The following PTPN13 variants were observed in gnomAD, a reference collection of about 807,000 sequenced individuals.
PTPN13 encodes the protein tyrosine-protein phosphatase non-receptor type 13.
In PTPN13, 191 loss-of-function variants were observed where a neutral mutation model predicts 284.0. That is an observed-to-expected ratio of 0.67 (90% CI 0.60 to 0.76). PTPN13 has a LOEUF of 0.76. Among genes scored for constraint, PTPN13 ranks in the 30% least tolerant of loss-of-function variants. The pLI is 0.00. For missense variants in PTPN13, 2,797 were observed against 2,939.9 expected, an observed-to-expected ratio of 0.95 and a Z score of 1.12; for synonymous variants, 986 against 1,022.3, an observed-to-expected ratio of 0.96 and a Z score of 0.68.
chr4:86,732,123 G>A (rs1004104362), intron 10 of PTPN13, among the ~76,000 whole-genome samples: 2 of 152,140 alleles, frequency 1.3e-5, no homozygotes, highest in African/African-American at 2.4e-5. Flanking sequence ...CTGTAAAACA[G>A]TGTAAAAGTG....
intron 6 of PTPN13, among the ~76,000 whole-genome samples, chr4:86,698,042 A>C (rs1363970734): frequency 1.3e-5 from 2 of 152,314 alleles, no homozygotes; most frequent in East Asian, 3.9e-4. Context: ...ACTTTTAGCA[A>C]GCTATGCATT....
chr4:86,767,372 A>C (rs567528481), intron 27 of PTPN13, among the ~76,000 whole-genome samples: 2 of 151,722 alleles, frequency 1.3e-5, no homozygotes, highest in East Asian at 3.9e-4. Flanking sequence ...CGGCCTGTCA[A>C]GTAGCTGGGA....
chr4:86,726,329 A>G (rs1734249302), intron 10 of PTPN13, among the ~76,000 whole-genome samples: 1 of 149,388 alleles, frequency 6.7e-6, no homozygotes, highest in African/African-American at 2.4e-5. Flanking sequence ...TATGAACTTT[A>G]AAGTAGTTTT....
chr4:86,785,669 A>T (rs951155838), intron 39 of PTPN13, among the ~76,000 whole-genome samples, 179 bp from the exon 40 acceptor site: 1 of 152,178 alleles, frequency 6.6e-6, no homozygotes, highest in Admixed American at 6.5e-5. Flanking sequence ...AGATAATTTT[A>T]ACCAGAAATT....
chr4:86,700,898 C>G, intron 6 of PTPN13, among the ~76,000 whole-genome samples: 1 of 152,076 alleles, frequency 6.6e-6, no homozygotes, highest in Admixed American at 6.6e-5. Context: ...CATTACTGCC[C>G]CAAATCATTT....
rs766713819 is a variant in PTPN13 at position 86,735,574 on chromosome 4, G to A, written c.2152-20G>A. 65 of 1,600,578 alleles carry A rather than the reference G, an allele frequency of 4.1e-5. No individual in the cohort carries two copies. Among genetic ancestry groups the A allele is most frequent in the Non-Finnish European group, 5.3e-5 (62 of 1,176,854 alleles). ...CAATAAAAGGCAAACAATTGCTTAT[G>A]AAAACATTCTTTTATCTAGGTTCAT... On this transcript the variant is annotated intron_variant, in intron 14 of 47. Transcript: ENST00000411767.
intron 5 of PTPN13, among the ~76,000 whole-genome samples, chr4:86,693,071 TAAAAA>T (rs34543988): frequency 8.9e-6 from 1 of 112,302 alleles, no homozygotes; most frequent in Non-Finnish European, 1.8e-5. Flanking sequence ...CCGTTATATT[TAAAAA>T]AAAAAAAAAA....
chr4:86,642,380 T>G (rs754431010), intron 2 of PTPN13, among the ~76,000 whole-genome samples: 1 of 151,852 alleles, frequency 6.6e-6, no homozygotes, highest in African/African-American at 2.4e-5. Flanking sequence ...CTAAGAATCT[T>G]CCTGTGTTAT....
chr4:86,684,182 T>C (rs980637), intron 3 of PTPN13, among the ~76,000 whole-genome samples: 7,033 of 152,044 alleles, frequency 0.046, 217 homozygotes, highest in African/African-American at 0.06. Context: ...GTTAACTACG[T>C]CATCAAAGTG....
intron 7 of PTPN13, among the ~76,000 whole-genome samples, chr4:86,705,719 C>T (rs193073142): frequency 9.2e-5 from 14 of 151,884 alleles, no homozygotes; most frequent in Non-Finnish European, 2.1e-4. Flanking sequence ...AATAACATAC[C>T]TAAGATCACA....
At chr4:86,595,264 G>GGGGT (rs1413711909) in intron 1 of PTPN13, among the ~76,000 whole-genome samples, 1 of 152,012 alleles carries the variant, frequency 6.6e-6, no homozygotes, top group Non-Finnish European at 1.5e-5. Context: ...GCTCGAGAAG[G>GGGGT]GGGTGGGATG....
chr4:86,722,401 C>A lies in PTPN13; in HGVS notation c.1575C>A (p.Ala525=). ...DITRDPLREI[A]LETAMTQRKL... ...CCAGGGATCCGTTAAGAGAAATTGCCCTAGAAACAGCCATGACTCAAAGAA... is the reference window on the plus strand; with the variant it reads ...CCAGGGATCCGTTAAGAGAAATTGCACTAGAAACAGCCATGACTCAAAGAA... Residue 525 remains alanine, a synonymous_variant, in exon 10 of 48, where the codon GCC becomes GCA. Transcript: ENST00000411767. The A allele has an allele frequency of 6.2e-7, 1 of 1,613,528 alleles. No individual in the cohort carries two copies. Among genetic ancestry groups the A allele is most frequent in the East Asian group, 2.2e-5 (1 of 44,846 alleles).
intron 1 of PTPN13, among the ~76,000 whole-genome samples, chr4:86,631,504 T>G (rs533090184): frequency 6.6e-6 from 1 of 152,214 alleles, no homozygotes; most frequent in Admixed American, 6.5e-5. Context: ...ATGAGGCAGT[T>G]TTAAAAAAAT....
chr4:86,783,056 C>G (rs981625531), intron 37 of PTPN13, among the ~76,000 whole-genome samples: 1 of 152,144 alleles, frequency 6.6e-6, no homozygotes, highest in Non-Finnish European at 1.5e-5. Flanking sequence ...AGGGATTGCT[C>G]TTTTATTAAT....
chr4:86,745,203 G>T, intron 17 of PTPN13, 75 bp downstream of exon 17: 3 of 1,364,800 alleles, frequency 2.2e-6, no homozygotes, highest in Non-Finnish European at 3.0e-6. Context: ...TAAAAGAACT[G>T]CCATGATTAG....
At position 86,667,256 on chromosome 4, in the gene PTPN13, T is replaced by C. The variant is rs72870695; in HGVS notation, c.116-5109T>C. On this transcript the variant is annotated intron_variant, in intron 2 of 47. Transcript: ENST00000411767. Reference sequence around the variant, plus strand: ...TTTAGTAAATGATGTTGCATGATTATCTATACCAAGAAAACTTAAATGTAA... The same window carrying C: ...TTTAGTAAATGATGTTGCATGATTACCTATACCAAGAAAACTTAAATGTAA... Among the ~76,000 whole-genome samples the C allele has an allele frequency of 2.8e-3, 422 of 152,356 alleles. 4 individuals are homozygous for C. The highest frequency in any genetic ancestry group is 9.7e-3 in the African/African-American group (402 of 41,592).
At chr4:86,643,299 A>G (rs1724032714) in intron 2 of PTPN13, among the ~76,000 whole-genome samples, 1 of 152,224 alleles carries the variant, frequency 6.6e-6, no homozygotes, top group African/African-American at 2.4e-5. Flanking sequence ...TCCTGCAAAA[A>G]TTGAAAGACC....
chr4:86,808,305 T>C (rs1578730547), intron 45 of PTPN13, among the ~76,000 whole-genome samples: 1 of 152,314 alleles, frequency 6.6e-6, no homozygotes, highest in African/African-American at 2.4e-5. Flanking sequence ...ACTTAACATA[T>C]TTAGGAATAC....
chr4:86,765,954 A>G (rs933017260), intron 26 of PTPN13, among the ~76,000 whole-genome samples: 2 of 152,050 alleles, frequency 1.3e-5, no homozygotes, highest in South Asian at 2.1e-4. Flanking sequence ...CAGCCTCCCA[A>G]GTAGCTGGGA....
Sources: gnomAD v4.1 joint callset for allele counts (sites outside exome capture counted in the v4.1 genomes callset) on GRCh38, gnomAD v4.1.1 for gene constraint, MANE v1.5 for transcripts, NCBI Gene and HGNC (gene_info 2026-07-23, HGNC 2026-07-21) for gene names.